The following ATPAF1 variants were observed in gnomAD, a reference collection of about 807,000 sequenced individuals.
ATPAF1 encodes the protein ATP synthase mitochondrial F1 complex assembly factor 1.
ATPAF1 carries 26 observed loss-of-function variants against 43.9 expected under a neutral mutation model. The ratio of observed to expected loss-of-function variants is 0.59; its 90% CI spans 0.43 to 0.82. ATPAF1 has a LOEUF of 0.82. ATPAF1 is among the 40% of genes least tolerant of loss of function. The pLI is 0.00. For missense variants in ATPAF1, 366 were observed against 435.0 expected (o/e 0.84, Z 1.41); for synonymous variants, 157 against 168.0 (o/e 0.93, Z 0.50).
chr1:46,665,175 C>T (rs1676467300), intron 2 of ATPAF1, 81 bp downstream of exon 2: 3 of 1,413,216 alleles, frequency 2.1e-6, no homozygotes, highest in Admixed American at 1.7e-5. Flanking sequence ...CATCAATAAA[C>T]CAACTTTAAG....
intron 6 of ATPAF1, among the ~76,000 whole-genome samples, chr1:46,646,004 G>A (rs959400994): frequency 2.6e-4 from 40 of 152,006 alleles, no homozygotes; most frequent in African/African-American, 5.1e-4. Flanking sequence ...GTGAGACCCC[G>A]TCACTACAAA....
intron 4 of ATPAF1, among the ~76,000 whole-genome samples, chr1:46,656,418 C>G (rs1431879332): frequency 6.6e-6 from 1 of 152,158 alleles, no homozygotes; most frequent in Non-Finnish European, 1.5e-5. Flanking sequence ...CTAATCAACA[C>G]AGAGCACAAA....
chr1:46,661,148 C>A (rs1298630050), intron 2 of ATPAF1, among the ~76,000 whole-genome samples: 1 of 151,966 alleles, frequency 6.6e-6, no homozygotes, highest in Middle Eastern at 3.2e-3. Context: ...TCTCCGCTCA[C>A]TGCAACCTCC....
At chr1:46,657,287 G>C (rs1357423138) in intron 4 of ATPAF1, among the ~76,000 whole-genome samples, 1 of 152,052 alleles carries the variant, frequency 6.6e-6, no homozygotes, top group African/African-American at 2.4e-5. Flanking sequence ...TATAAAGAAT[G>C]CCAGAAAAAT....
At chr1:46,668,486 A>C, upstream of ATPAF1, 1 of 430,712 alleles carries the variant, frequency 2.3e-6, no homozygotes, top group Non-Finnish European at 3.1e-6. This position sits in a 1 kb window ranked among gnomAD's most constrained non-coding sequence, Gnocchi z 4.4. Flanking sequence ...GGCGGGGAGG[A>C]GGGGGCGCGC....
chr1:46,663,815 A>G (rs1234363112), intron 2 of ATPAF1: 1 of 1,171,770 alleles, frequency 8.5e-7, no homozygotes, highest in South Asian at 1.6e-5. Flanking sequence ...TAGAATCCCA[A>G]TTTTCTACTG....
downstream of ATPAF1, chr1:46,633,695 C>A: frequency 2.2e-6 from 1 of 455,808 alleles, no homozygotes; most frequent in Non-Finnish European, 4.4e-6. Context: ...TCCTACTTGG[C>A]AGTTGGGGAC....
chr1:46,638,533 A>C (rs939977229), intron 8 of ATPAF1, among the ~76,000 whole-genome samples: 1 of 151,870 alleles, frequency 6.6e-6, no homozygotes, highest in Non-Finnish European at 1.5e-5. Flanking sequence ...GAGGCAGGAG[A>C]ATGGCGTGAA....
intron 8 of ATPAF1, 89 bp from the exon 9 acceptor site, chr1:46,636,059 C>T (rs1460874358): frequency 7.0e-7 from 1 of 1,423,018 alleles, no homozygotes; most frequent in Non-Finnish European, 9.8e-7. Context: ...GGCCCTCGCC[C>T]AGGAGTCACC....
intron 6 of ATPAF1, among the ~76,000 whole-genome samples, chr1:46,646,804 T>C (rs527573054): frequency 6.6e-6 from 1 of 152,320 alleles, no homozygotes; most frequent in African/African-American, 2.4e-5. Flanking sequence ...AAAATGAACA[T>C]GGTTATCACT....
downstream of ATPAF1, chr1:46,633,536 A>G: frequency 2.7e-6 from 1 of 366,084 alleles, no homozygotes; most frequent in South Asian, 2.2e-5. Context: ...TCCACTTTCT[A>G]TAACACCATG....
intron 1 of ATPAF1, chr1:46,665,941 T>A: frequency 2.5e-6 from 3 of 1,197,478 alleles, no homozygotes; most frequent in South Asian, 1.9e-5. Flanking sequence ...ATGGGGTTGG[T>A]CTTCAGGTTT....
intron 6 of ATPAF1, among the ~76,000 whole-genome samples, chr1:46,652,205 C>CAAA (rs10718568): frequency 7.1e-4 from 78 of 109,770 alleles, no homozygotes; most frequent in African/African-American, 2.3e-3. Context: ...ATAATAAAAG[C>CAAA]AAAAAAAAAA....
At chr1:46,645,168 T>C (rs1676017790) in exon 7 of ATPAF1, 1 of 1,612,688 alleles carries the variant, frequency 6.2e-7, no homozygotes, top group Non-Finnish European at 8.5e-7. Context: ...TACCTGAATA[T>C]TTATAAGTGC....
At position 46,668,293 on chromosome 1, in the gene ATPAF1, A is replaced by T; in HGVS notation, c.30T>A (p.Gly10=). ...CCTGCAGGACCGCCGGTCCCGCGCC[A>T]CCCGCAGCCGCCACCACCACAGCAG... Residue 10 remains glycine, a synonymous_variant, in exon 1 of 9, where the codon GGT becomes GGA. Transcript: ENST00000574428. This position sits in a 1 kb window ranked among gnomAD's most constrained non-coding sequence, Gnocchi z 4.4. The T allele has an allele frequency of 7.3e-7, 1 of 1,376,156 alleles. No homozygotes were observed. Among genetic ancestry groups the T allele is most frequent in the Non-Finnish European group, 9.4e-7 (1 of 1,060,202 alleles). 85.2% of individuals were successfully genotyped at this position (1,376,156 alleles called of 1,614,324 possible).
At chr1:46,634,307 T>C (rs1675797683), downstream of ATPAF1, 1 of 163,624 alleles carries the variant, frequency 6.1e-6, no homozygotes, top group African/African-American at 2.4e-5. Flanking sequence ...GAGTGGAGCA[T>C]GTTAGATCAA....
At chr1:46,662,164 C>T (rs541721837) in intron 2 of ATPAF1, among the ~76,000 whole-genome samples, 1 of 151,902 alleles carries the variant, frequency 6.6e-6, no homozygotes, top group Non-Finnish European at 1.5e-5. Flanking sequence ...AAAGTGCTGG[C>T]ATTACAGGCG....
chr1:46,665,426 G>C, intron 1 of ATPAF1, 62 bp from the exon 2 acceptor site: 2 of 1,523,136 alleles, frequency 1.3e-6, no homozygotes, highest in East Asian at 4.7e-5. Flanking sequence ...AAATAACAAA[G>C]CATCACTTTC....
intron 4 of ATPAF1, among the ~76,000 whole-genome samples, chr1:46,656,352 C>A (rs1008262510): frequency 3.9e-5 from 6 of 152,154 alleles, no homozygotes; most frequent in Non-Finnish European, 8.8e-5. Flanking sequence ...GTTTTGTCAA[C>A]ATTTCTGTTA....
Sources: gnomAD v4.1 joint callset for allele counts (sites outside exome capture counted in the v4.1 genomes callset) on GRCh38, gnomAD v4.1.1 for gene constraint, Gnocchi (gnomAD v3.1) non-coding constraint, MANE v1.5 for transcripts, NCBI Gene and HGNC (gene_info 2026-07-23, HGNC 2026-07-21) for gene names.